The following YBX3 variants were observed in gnomAD, a reference collection of about 807,000 sequenced individuals.
YBX3 encodes Y-box-binding protein 3.
YBX3 carries 29 observed loss-of-function variants against 42.4 expected under a neutral mutation model. That is an observed-to-expected ratio of 0.68 (90% CI 0.51 to 0.93). The LOEUF is 0.93. Ranked by LOEUF, YBX3 falls within the 40% of genes least tolerant of loss-of-function variation. The pLI is 0.00. For missense variants in YBX3, 517 were observed against 527.5 expected (o/e 0.98, Z 0.19); for synonymous variants, 195 against 189.8 (o/e 1.03, Z -0.22).
chr12:10,715,165 T>A (rs982333931), intron 4 of YBX3, among the ~76,000 whole-genome samples: 1 of 152,220 alleles, frequency 6.6e-6, no homozygotes, highest in African/African-American at 2.4e-5. Flanking sequence ...GAAATCAGCT[T>A]TTCTTTCCAT....
At chr12:10,718,057 T>C (rs766745021) in intron 3 of YBX3, 31 bp downstream of exon 3, 16 of 1,588,610 alleles carry the variant, frequency 1.0e-5, no homozygotes, top group African/African-American at 4.0e-5. Context: ...TCTCCTCACA[T>C]AGCAAATGTA....
chr12:10,713,352 G>A lies in YBX3; in HGVS notation c.451-19C>T. ...CTGCACCCTGAGAAGAAAATAAAAA[G>A]ATGGCCTCAAAATTAAAAAGAATAT... On this transcript the variant is annotated intron_variant, in intron 4 of 9. Transcript: ENST00000228251. The A allele has an allele frequency of 6.2e-7, 1 of 1,609,096 alleles. No individual in the cohort carries two copies. Among genetic ancestry groups the A allele is most frequent in the Non-Finnish European group, 8.5e-7 (1 of 1,179,108 alleles).
intron 1 of YBX3, chr12:10,722,122 G>C (rs1175845830): frequency 6.6e-6 from 1 of 152,268 alleles, no homozygotes; most frequent in Non-Finnish European, 1.5e-5. Context: ...CCCACAGTCC[G>C]GGAAGAGGGA....
In YBX3 at chr12:10,715,908, C is replaced by T. The variant is rs139375552; in HGVS notation, c.361-125G>A. On this transcript the variant is annotated intron_variant, in intron 3 of 9. Coordinates refer to ENST00000228251, the MANE Select transcript of YBX3 (RefSeq NM_003651.5). Reference sequence around the variant, plus strand: ...GACCGATTCTTATTTTTCCACCATTCTCCCACTAAGTTGGATCTCCAACAC... The same window carrying T: ...GACCGATTCTTATTTTTCCACCATTTTCCCACTAAGTTGGATCTCCAACAC... 10 of 758,976 alleles carry T rather than the reference C, an allele frequency of 1.3e-5. 1 individual carries two copies. In the Middle Eastern group the frequency reaches 1.1e-3, roughly 84 times the overall value. The allele number at this position is 758,976 out of a possible 1,614,324, so 47.0% of individuals were successfully genotyped here.
At position 10,710,029 on chromosome 12, in the gene YBX3, C is replaced by T. The variant is rs143435496; in HGVS notation, c.659G>A (p.Arg220Gln). The T allele has an allele frequency of 3.0e-5, 49 of 1,613,982 alleles. No homozygotes were observed. The African/African-American group carries it at 3.1e-4, about 10-fold the overall frequency. Residue 220 changes from arginine to glutamine, a missense_variant, in exon 6 of 10, where the codon CGG becomes CAG. By Grantham distance (43) the Arg-to-Gln change is conservative. Transcript: ENST00000228251. ...ATACTGGGGGCGGCGCAGCTGATTC[C>T]GGGCCCCAGAGAACTGCCTATCAGT... ...PATDRQFSGARNQLRRPQYRP... is the reference protein window; with the variant it reads ...PATDRQFSGAQNQLRRPQYRP...
intron 6 of YBX3, among the ~76,000 whole-genome samples, chr12:10,706,650 G>A (rs1207212920): frequency 6.6e-6 from 1 of 152,026 alleles, no homozygotes; most frequent in African/African-American, 2.4e-5. Context: ...CTTGATCCTA[G>A]GACCCTATTT....
chr12:10,708,975 C>A (rs1383142263), intron 6 of YBX3, among the ~76,000 whole-genome samples: 1 of 152,160 alleles, frequency 6.6e-6, no homozygotes, highest in Non-Finnish European at 1.5e-5. Context: ...TGCCCTAAAG[C>A]TACTATGTCT....
chr12:10,710,269 T>A (rs1322638154), intron 5 of YBX3, 155 bp from the exon 6 acceptor site: 1 of 1,508,906 alleles, frequency 6.6e-7, no homozygotes. Context: ...CAGATTATCA[T>A]GTGATTGCCT....
At chr12:10,702,387 G>A (rs1948092079) in intron 7 of YBX3, 1 of 220,304 alleles carries the variant, frequency 4.5e-6, no homozygotes, top group East Asian at 1.0e-4. Context: ...CGGGCGTGGT[G>A]GCACATGCCT....
chr12:10,706,772 CTTTGGGAGG>C (rs993256552), intron 6 of YBX3, among the ~76,000 whole-genome samples: 108 of 152,304 alleles, frequency 7.1e-4, no homozygotes, highest in African/African-American at 2.6e-3. Flanking sequence ...AATCCCAGCA[CTTTGGGAGG>C]CCAAGGCAGG....
At chr12:10,719,023 C>A in intron 2 of YBX3, 57 bp downstream of exon 2, 4 of 1,532,608 alleles carry the variant, frequency 2.6e-6, no homozygotes, top group Non-Finnish European at 3.6e-6. Flanking sequence ...ATTTATAACT[C>A]CTGGTGCCAC....
chr12:10,709,856 G>C, intron 6 of YBX3, 52 bp downstream of exon 6: 2 of 1,601,548 alleles, frequency 1.2e-6, no homozygotes, highest in East Asian at 2.2e-5. Context: ...AGGAGGCAGA[G>C]AAGGACGGAA....
chr12:10,708,953 A>C (rs1482233475), intron 6 of YBX3, among the ~76,000 whole-genome samples: 1 of 152,258 alleles, frequency 6.6e-6, no homozygotes, highest in Non-Finnish European at 1.5e-5. Flanking sequence ...GTTTCCTAGA[A>C]GCCCAGAGTG....
At chr12:10,721,877 C>G (rs1247440898) in intron 1 of YBX3, 1 of 152,226 alleles carries the variant, frequency 6.6e-6, no homozygotes, top group Non-Finnish European at 1.5e-5. Flanking sequence ...CACCCACCTG[C>G]TTTGCAAGCG....
In YBX3 at chr12:10,709,762, C is replaced by G. The variant is rs186674549; in HGVS notation, c.780+146G>C. ...GGAATGACTGCTTTGAAAAAACAGA[C>G]TGAAGGCCTTGCCTCAGCTTTTGTA... On this transcript the variant is annotated intron_variant, in intron 6 of 9. Transcript: ENST00000228251. 1.1e-4 allele frequency: 105 copies of G among 987,392 alleles called. No homozygotes were observed. The African/African-American group carries it at 1.6e-3, about 15-fold the overall frequency. 61.2% of individuals were successfully genotyped at this position (987,392 alleles called of 1,614,324 possible). A position where few individuals can be genotyped will look rare whatever the true frequency, so the allele number is the denominator to read the frequency against.
At chr12:10,710,537 T>C in intron 5 of YBX3, 1 of 1,182,248 alleles carries the variant, frequency 8.5e-7, no homozygotes, top group Non-Finnish European at 1.1e-6. Context: ...TACCAACATA[T>C]TTGACCCAAG....
chr12:10,701,870 G>A, intron 8 of YBX3, 90 bp downstream of exon 8: 1 of 1,436,856 alleles, frequency 7.0e-7, no homozygotes, highest in South Asian at 1.4e-5. Context: ...TAAGTGTCAG[G>A]TTTCATGTGA....
At chr12:10,701,642 A>C (rs1948080397) in intron 8 of YBX3, among the ~76,000 whole-genome samples, 1 of 152,154 alleles carries the variant, frequency 6.6e-6, no homozygotes, top group Non-Finnish European at 1.5e-5. Context: ...CTCTCCATAA[A>C]GTCTGATATA....
rs1404208776 is a variant in YBX3 at position 10,710,080 on chromosome 12, C to A, written c.608G>T (p.Ser203Ile). ...GGCAGGGGGGTCAAATCCTTCACTG[C>A]TGCCGCTCCCTTCCTCCTCCTCCTC... is the stretch of plus-strand genomic sequence containing the variant. ...AGEEEEEGSG[S>I]SEGFDPPATD... The change falls in exon 6 of 10, where the codon AGC (serine) becomes ATC (isoleucine). Residue 203 changes from serine (S) to isoleucine (I), a missense_variant. Coordinates refer to ENST00000228251, the MANE Select transcript of YBX3 (RefSeq NM_003651.5). 3 of 1,613,970 alleles carry A rather than the reference C, an allele frequency of 1.9e-6. No individual in the cohort carries two copies. In the Admixed American group the frequency reaches 5.0e-5, roughly 27 times the overall value.
Sources: gnomAD v4.1 joint callset for allele counts (sites outside exome capture counted in the v4.1 genomes callset) on GRCh38, gnomAD v4.1.1 for gene constraint, MANE v1.5 for transcripts, NCBI Gene and HGNC (gene_info 2026-07-23, HGNC 2026-07-21) for gene names.